Variants in RBFOX1 observed in about 807,000 individuals in gnomAD.
RBFOX1 encodes the protein RNA binding protein fox-1 homolog 1.
In RBFOX1, 8 loss-of-function variants were observed where a neutral mutation model predicts 57.7. The observed-to-expected ratio is 0.14, with a 90% confidence interval of 0.08 to 0.25. The LOEUF is 0.25. RBFOX1 is among the 10% of genes least tolerant of loss of function. RBFOX1 has a pLI of 1.00. For missense variants in RBFOX1, 611 were observed against 548.5 expected, an observed-to-expected ratio of 1.11 and a Z score of -1.14; for synonymous variants, 326 against 222.4, an observed-to-expected ratio of 1.47 and a Z score of -4.15.
At chr16:5,710,325 C>G (rs968986856) in intron 3 of RBFOX1, among the ~76,000 whole-genome samples, 5 of 152,138 alleles carry the variant, frequency 3.3e-5, no homozygotes, top group Non-Finnish European at 5.9e-5. Flanking sequence ...TTGTTGCTTT[C>G]ACTGCGCTCT....
At chr16:5,382,439 C>G (rs2066154414) in intron 1 of RBFOX1, among the ~76,000 whole-genome samples, 2 of 150,392 alleles carry the variant, frequency 1.3e-5, no homozygotes, top group Non-Finnish European at 3.0e-5. Context: ...TTTAAGTATG[C>G]TTTTATTTGC....
intron 5 of RBFOX1, among the ~76,000 whole-genome samples, chr16:7,553,125 G>C (rs746740811): frequency 6.6e-6 from 1 of 151,290 alleles, no homozygotes; most frequent in Non-Finnish European, 1.5e-5. Context: ...AAATTTTCCA[G>C]TTTCCACATT....
chr16:6,530,327 C>T (rs972091257), intron 2 of RBFOX1, among the ~76,000 whole-genome samples: 1 of 152,154 alleles, frequency 6.6e-6, no homozygotes, highest in Non-Finnish European at 1.5e-5. Flanking sequence ...AGTGAGTTTA[C>T]TGTCACTCAC....
chr16:6,878,871 T>C (rs2062355897), intron 3 of RBFOX1, among the ~76,000 whole-genome samples: 1 of 152,006 alleles, frequency 6.6e-6, no homozygotes, highest in Non-Finnish European at 1.5e-5. Context: ...AATTAACAGC[T>C]AATCTTTGAT....
At chr16:6,922,258 C>T (rs1039908286) in intron 3 of RBFOX1, among the ~76,000 whole-genome samples, 2 of 152,096 alleles carry the variant, frequency 1.3e-5, no homozygotes, top group Non-Finnish European at 2.9e-5. Context: ...ACCTGAGCAT[C>T]CTACATTGAT....
At position 5,346,405 on chromosome 16, in the gene RBFOX1, A is replaced by G. The variant is rs1435154815; in HGVS notation, c.219+106300A>G. Among the ~76,000 whole-genome samples, 3 of 152,360 alleles carry G rather than the reference A, an allele frequency of 2.0e-5. No individual in the cohort carries two copies. In the East Asian group the frequency reaches 5.8e-4, roughly 29 times the overall value. ...GAAAACGAGGGAGCAATTAATTAAG[A>G]GAAAACTACAGAGAAGTTATGATGT... On this transcript the variant is annotated intron_variant, in intron 1 of 2. Coordinates refer to the RBFOX1 transcript ENST00000585867.
At chr16:5,455,063 C>G (rs137943168) in intron 1 of RBFOX1, among the ~76,000 whole-genome samples, 3,960 of 147,600 alleles carry the variant, frequency 0.027, 91 homozygotes, top group Non-Finnish European at 0.043. Flanking sequence ...TTCTCTGTCT[C>G]TTTCTCTCCC....
chr16:7,231,290 G>A (rs35656009), intron 4 of RBFOX1, among the ~76,000 whole-genome samples: 1 of 152,100 alleles, frequency 6.6e-6, no homozygotes, highest in Non-Finnish European at 1.5e-5. Context: ...CTTGTACCAT[G>A]TGTTTATCCT....
chr16:5,607,131 G>A (rs1567290475), intron 3 of RBFOX1, among the ~76,000 whole-genome samples: 1 of 152,170 alleles, frequency 6.6e-6, no homozygotes, highest in Non-Finnish European at 1.5e-5. Context: ...GGGGTCACCA[G>A]CTCTACGCCC....
intron 4 of RBFOX1, among the ~76,000 whole-genome samples, chr16:7,180,407 G>C (rs77609137): frequency 0.025 from 3,731 of 152,180 alleles, 158 homozygotes; most frequent in African/African-American, 0.085. Flanking sequence ...CTAATCATGG[G>C]TCACTCTTGT....
At chr16:5,459,736 C>T (rs917583099) in intron 1 of RBFOX1, among the ~76,000 whole-genome samples, 2 of 152,136 alleles carry the variant, frequency 1.3e-5, no homozygotes, top group Non-Finnish European at 2.9e-5. Flanking sequence ...TGCACGCACA[C>T]ACACGCTCAC....
intron 4 of RBFOX1, among the ~76,000 whole-genome samples, chr16:7,421,842 G>C (rs2098545682): frequency 6.6e-6 from 1 of 152,238 alleles, no homozygotes. Context: ...GTAAGGGCAT[G>C]CAAATAGAGA....
chr16:5,442,680 G>A (rs1479039337), intron 1 of RBFOX1, among the ~76,000 whole-genome samples: 1 of 152,156 alleles, frequency 6.6e-6, no homozygotes, highest in Non-Finnish European at 1.5e-5. Context: ...TCCCTTTACT[G>A]AGCCCTGCTA....
chr16:7,204,887 T>A (rs2089595398), intron 4 of RBFOX1, among the ~76,000 whole-genome samples: 2 of 152,336 alleles, frequency 1.3e-5, no homozygotes, highest in African/African-American at 4.8e-5. Flanking sequence ...CTTGACTGTT[T>A]TGGATATATT....
intron 3 of RBFOX1, among the ~76,000 whole-genome samples, chr16:6,733,744 C>A (rs373971496): frequency 6.6e-6 from 1 of 151,296 alleles, no homozygotes; most frequent in Non-Finnish European, 1.5e-5. Context: ...GGCGAAAGAG[C>A]GAGACCCTGC....
intron 5 of RBFOX1, among the ~76,000 whole-genome samples, chr16:7,549,119 A>G (rs1429002164): frequency 6.6e-6 from 1 of 152,218 alleles, no homozygotes; most frequent in Non-Finnish European, 1.5e-5. Flanking sequence ...CAGTCTGGTA[A>G]ACAGTGGAAG....
intron 14 of RBFOX1, among the ~76,000 whole-genome samples, chr16:7,695,559 A>G (rs1162079158): frequency 6.6e-6 from 1 of 151,228 alleles, no homozygotes; most frequent in Non-Finnish European, 1.5e-5. Flanking sequence ...AGACTGAGGC[A>G]GAGAATTGCT....
intron 5 of RBFOX1, chr16:7,519,568 TTAAA>T (rs1349988125): frequency 3.4e-6 from 1 of 291,294 alleles, no homozygotes; most frequent in Admixed American, 6.5e-5. Flanking sequence ...TATCATAAAA[TTAAA>T]TAATGTTCAT....
rs1555488600 is a variant in RBFOX1 at position 6,806,836 on chromosome 16, A to AT, written c.-16+152201dup. ...TATATAAATATATATATATATATAT[A>AT]TTTTTTTTTTTTTTTGAGAGAAAGT... On this transcript the variant is annotated intron_variant, in intron 3 of 15. Coordinates refer to ENST00000550418, the MANE Select transcript of RBFOX1 (RefSeq NM_018723.4). Among the ~76,000 whole-genome samples the AT allele has an allele frequency of 4.8e-3, 442 of 91,830 alleles. 5 individuals carry two copies. Among genetic ancestry groups the AT allele is most frequent in the South Asian group, 0.014 (36 of 2,526 alleles). The allele number at this position is 91,830 out of a possible 152,430, so 60.2% of individuals were successfully genotyped here.
Sources: gnomAD v4.1 joint callset for allele counts (sites outside exome capture counted in the v4.1 genomes callset) on GRCh38, gnomAD v4.1.1 for gene constraint, MANE v1.5 for transcripts, NCBI Gene and HGNC (gene_info 2026-07-23, HGNC 2026-07-21) for gene names.